Variants in MINDY4B observed in about 807,000 individuals in gnomAD.
The protein encoded by MINDY4B is inactive ubiquitin carboxyl-terminal hydrolase MINDY-4B.
MINDY4B carries 25 observed loss-of-function variants against 16.7 expected under a neutral mutation model. The observed-to-expected ratio is 1.49, with a 90% confidence interval of 1.09 to 2.09. The LOEUF (loss-of-function observed/expected upper bound fraction) is 2.09, where lower values mean the gene tolerates loss of function less well. Ranked by LOEUF, MINDY4B falls within the 30% of genes most tolerant of loss-of-function variation. The probability of loss-of-function intolerance (pLI) is 0.00; values close to 1 mark genes in which losing one functional copy is unlikely to be tolerated. For synonymous variants in MINDY4B, 132 were observed against 61.9 expected (o/e 2.13, Z -5.32); for missense variants, 327 against 168.4 (o/e 1.94, Z -5.21).
At chr3:150,876,286 T>G (rs1711497040) in intron 10 of MINDY4B, among the ~76,000 whole-genome samples, 1 of 152,174 alleles carries the variant, frequency 6.6e-6, no homozygotes, top group Non-Finnish European at 1.5e-5. Context: ...CACATCAGAG[T>G]GCAAGAATTG....
At position 150,879,890 on chromosome 3, in the gene MINDY4B, G is replaced by A. The variant is rs537793349; in HGVS notation, c.1059+3007C>T. Among the ~76,000 whole-genome samples, 8 of 152,342 alleles carry A rather than the reference G, an allele frequency of 5.3e-5. 1 individual carries two copies. In the South Asian group the frequency reaches 1.7e-3, roughly 32 times the overall value. On this transcript the variant is annotated intron_variant, in intron 10 of 11. Coordinates refer to ENST00000465419, the MANE Select transcript of MINDY4B (RefSeq NM_001351281.2). Reference sequence around the variant, plus strand: ...TAGAAATCAGTGTATGTATGGTCAAGTATGGCCCATCTTTGGATCTGGACA... The same window carrying A: ...TAGAAATCAGTGTATGTATGGTCAAATATGGCCCATCTTTGGATCTGGACA...
rs3062408 is a variant in MINDY4B at position 150,897,321 on chromosome 3, C to CTGTGTGTGTGTGTG, written c.310-3030_310-3017dup. Among the ~76,000 whole-genome samples, 115 of 130,596 alleles carry CTGTGTGTGTGTGTG rather than the reference C, an allele frequency of 8.8e-4. 3 individuals are homozygous for CTGTGTGTGTGTGTG. The highest frequency in any genetic ancestry group is 3.1e-3 in the African/African-American group (106 of 34,438). The allele number at this position is 130,596 out of a possible 152,430, so 85.7% of individuals were successfully genotyped here. A position where few individuals can be genotyped will look rare whatever the true frequency, so the allele number is the denominator to read the frequency against. On this transcript the variant is annotated intron_variant, in intron 3 of 11. Transcript: ENST00000465419. ...GAGTAAGTGTTCAATGTGACTGGAA[C>CTGTGTGTGTGTGTG]TGTGTGTGTGTGTGTGTGTGTGTGT...
intron 10 of MINDY4B, among the ~76,000 whole-genome samples, chr3:150,882,614 G>C (rs1022559995): frequency 4.0e-5 from 6 of 149,726 alleles, no homozygotes; most frequent in African/African-American, 1.5e-4. Context: ...CATTAAACAG[G>C]GATATCTGTA....
At chr3:150,876,703 A>G (rs1711497434) in intron 10 of MINDY4B, among the ~76,000 whole-genome samples, 1 of 152,172 alleles carries the variant, frequency 6.6e-6, no homozygotes, top group Non-Finnish European at 1.5e-5. Flanking sequence ...GGAAGAAGGT[A>G]TGACTGGGAT....
At chr3:150,880,594 C>T (rs1034247089) in intron 10 of MINDY4B, among the ~76,000 whole-genome samples, 3 of 152,182 alleles carry the variant, frequency 2.0e-5, no homozygotes. Context: ...AGTGGTAGCA[C>T]AGAGACATGA....
At chr3:150,892,630 C>T (rs1421500339) in intron 5 of MINDY4B, among the ~76,000 whole-genome samples, 1 of 151,984 alleles carries the variant, frequency 6.6e-6, no homozygotes, top group East Asian at 1.9e-4. Context: ...AACCAAACAT[C>T]ATACCTTATC....
rs976782136 is a variant in MINDY4B at position 150,870,980 on chromosome 3, A to G, written c.*65T>C. ...AATATGGAAACGATTGGTCTCCCCC[A>G]CATTAGGCTTTTGCATCCCAGCAGT... On this transcript the variant is annotated 3_prime_UTR_variant, in exon 12 of 12. Coordinates refer to ENST00000465419, the MANE Select transcript of MINDY4B (RefSeq NM_001351281.2). 19 of 661,364 alleles carry G rather than the reference A, an allele frequency of 2.9e-5. No individual in the cohort carries two copies. The Admixed American group carries it at 4.4e-4, about 15-fold the overall frequency. The allele number at this position is 661,364 out of a possible 1,614,324, so 41.0% of individuals were successfully genotyped here.
chr3:150,871,564 A>T (rs1716972427), intron 11 of MINDY4B, among the ~76,000 whole-genome samples: 1 of 151,650 alleles, frequency 6.6e-6, no homozygotes, highest in Non-Finnish European at 1.5e-5. Context: ...AAAAAAAAAA[A>T]GAGGCCAGGC....
intron 10 of MINDY4B, 63 bp from the exon 11 acceptor site, chr3:150,873,430 A>G: frequency 3.0e-6 from 2 of 668,538 alleles, no homozygotes; most frequent in South Asian, 3.2e-5. Flanking sequence ...ACACATGCCG[A>G]TACATGATCG....
chr3:150,891,052 A>C lies in MINDY4B; in HGVS notation c.573T>G (p.Leu191=). 1 of 702,848 alleles carries C rather than the reference A, an allele frequency of 1.4e-6. No homozygotes were observed. Among genetic ancestry groups the C allele is most frequent in the Non-Finnish European group, 2.6e-6 (1 of 384,834 alleles). The allele number at this position is 702,848 out of a possible 1,614,324, so 43.5% of individuals were successfully genotyped here. A position where few individuals can be genotyped will look rare whatever the true frequency, so the allele number is the denominator to read the frequency against. The change falls in exon 6 of 12, where the codon CTT becomes CTG. Residue 191 remains leucine (L), a synonymous_variant. Transcript: ENST00000465419. ...KEQEQALAAA[L]AGILWAAGAA... is the part of the protein sequence containing the mutation. ...CTCCTGCAGCCCACAGGATGCCAGCAAGCGCCGCGGCCAAGGCTTGCTCCT... is the reference window on the plus strand; with the variant it reads ...CTCCTGCAGCCCACAGGATGCCAGCCAGCGCCGCGGCCAAGGCTTGCTCCT...
chr3:150,892,139 G>A (rs1217200839), intron 5 of MINDY4B, among the ~76,000 whole-genome samples: 4 of 152,176 alleles, frequency 2.6e-5, no homozygotes, highest in African/African-American at 4.8e-5. Flanking sequence ...AGAAGTCACT[G>A]GGAGTTATGC....
Position 150,873,205 on chromosome 3 carries a change from GC to G in MINDY4B, c.1221del (p.Lys407AsnfsTer7). 1 of 703,144 alleles carries G rather than the reference GC, an allele frequency of 1.4e-6. No homozygotes were observed. The highest frequency in any genetic ancestry group is 1.5e-5 in the South Asian group (1 of 67,562). 43.6% of individuals were successfully genotyped at this position (703,144 alleles called of 1,614,324 possible). A position where few individuals can be genotyped will look rare whatever the true frequency, so the allele number is the denominator to read the frequency against. On this transcript the variant is annotated frameshift_variant, in exon 11 of 12. Coordinates refer to ENST00000465419, the MANE Select transcript of MINDY4B (RefSeq NM_001351281.2). LOFTEE classifies it low-confidence loss of function (END_TRUNC). ...YFYSGQPSQK[K>X]LVRLTIDTHS... ...TGCTCACCTATTGTAAGACGCACAA[GC>G]TTTTTCTGTGAGGGTTGGCCACTGT...
chr3:150,902,076 T>C (rs1170323566), intron 3 of MINDY4B, among the ~76,000 whole-genome samples: 1 of 152,180 alleles, frequency 6.6e-6, no homozygotes, highest in Non-Finnish European at 1.5e-5. Context: ...ACGGAAACTC[T>C]GTGTTAGGCT....
At chr3:150,901,753 T>C (rs1276876654) in intron 3 of MINDY4B, among the ~76,000 whole-genome samples, 1 of 152,078 alleles carries the variant, frequency 6.6e-6, no homozygotes, top group Non-Finnish European at 1.5e-5. Flanking sequence ...ACTCCTGGCC[T>C]GAAGCAATCC....
intron 10 of MINDY4B, among the ~76,000 whole-genome samples, chr3:150,873,904 C>T (rs1346146003): frequency 6.6e-6 from 1 of 151,448 alleles, no homozygotes; most frequent in East Asian, 1.9e-4. Context: ...CACACATATA[C>T]ACATATATCT....
chr3:150,885,530 A>G, intron 7 of MINDY4B, 92 bp from the exon 8 acceptor site: 2 of 674,480 alleles, frequency 3.0e-6, no homozygotes, highest in South Asian at 1.6e-5. Context: ...ACAGGCTGAG[A>G]GAATTTTTTC....
In MINDY4B at chr3:150,870,929, T is replaced by TA; in HGVS notation, c.*115_*116insT. On this transcript the variant is annotated 3_prime_UTR_variant, in exon 12 of 12. Coordinates refer to ENST00000465419, the MANE Select transcript of MINDY4B (RefSeq NM_001351281.2). Reference sequence around the variant, plus strand: ...AAACTGCTAATGGTATATATATATATTTTTTGGTGGGGCTTGTGAATGAGA... The same window carrying TA: ...AAACTGCTAATGGTATATATATATATATTTTTGGTGGGGCTTGTGAATGAGA... The TA allele has an allele frequency of 1.7e-6, 1 of 602,448 alleles. No homozygotes were observed. The highest frequency in any genetic ancestry group is 2.9e-6 in the Non-Finnish European group (1 of 339,988). The allele number at this position is 602,448 out of a possible 1,614,324, so 37.3% of individuals were successfully genotyped here.
At chr3:150,899,978 T>A (rs1286432477) in intron 3 of MINDY4B, among the ~76,000 whole-genome samples, 1 of 152,208 alleles carries the variant, frequency 6.6e-6, no homozygotes, top group African/African-American at 2.4e-5. Flanking sequence ...TTCTTCTGGA[T>A]GATATTGCAG....
At chr3:150,900,448 G>A (rs1018430654) in intron 3 of MINDY4B, among the ~76,000 whole-genome samples, 4 of 152,198 alleles carry the variant, frequency 2.6e-5, no homozygotes, top group African/African-American at 9.7e-5. Flanking sequence ...CTGACAATTT[G>A]CCAGGTGGCT....
Sources: gnomAD v4.1 joint callset for allele counts (sites outside exome capture counted in the v4.1 genomes callset) on GRCh38, gnomAD v4.1.1 for gene constraint, MANE v1.5 for transcripts, NCBI Gene and HGNC (gene_info 2026-07-23, HGNC 2026-07-21) for gene names.